ZDHHC14: variants seen among roughly 807,000 people sequenced by gnomAD.
ZDHHC14 encodes zDHHC palmitoyltransferase 14.
In ZDHHC14, 16 loss-of-function variants were observed where a neutral mutation model predicts 47.7. The observed-to-expected ratio is 0.34, with a 90% CI of 0.23 to 0.51. ZDHHC14 has a LOEUF of 0.51. ZDHHC14 is among the 20% of genes least tolerant of loss of function. The probability of loss-of-function intolerance (pLI) is 0.97; values close to 1 mark genes in which losing one functional copy is unlikely to be tolerated. For missense variants in ZDHHC14, 515 were observed against 662.5 expected, an observed-to-expected ratio of 0.78 and a Z score of 2.44; for synonymous variants, 293 against 278.9, an observed-to-expected ratio of 1.05 and a Z score of -0.50.
chr6:157,618,264 C>T (rs767636497), intron 3 of ZDHHC14, among the ~76,000 whole-genome samples: 9 of 152,040 alleles, frequency 5.9e-5, no homozygotes, highest in Non-Finnish European at 1.2e-4. Flanking sequence ...TGGAGAATGA[C>T]CGAAGACCAC....
At chr6:157,639,957 G>T (rs1287684633) in intron 5 of ZDHHC14, among the ~76,000 whole-genome samples, 1 of 152,224 alleles carries the variant, frequency 6.6e-6, no homozygotes, top group Non-Finnish European at 1.5e-5. Context: ...TAATGTGGAA[G>T]GAGGGAAAAA....
intron 1 of ZDHHC14, among the ~76,000 whole-genome samples, chr6:157,392,940 C>T (rs1293690227): frequency 6.6e-6 from 1 of 152,030 alleles, no homozygotes; most frequent in Admixed American, 6.6e-5. Flanking sequence ...AGTGCAATGG[C>T]GCCATCTCGG....
Position 157,593,101 on chromosome 6 carries a change from C to T in ZDHHC14, c.520C>T (p.Arg174Trp), listed in dbSNP as rs148268433. The change falls in exon 3 of 9, where the codon CGG becomes TGG. Residue 174 changes from arginine to tryptophan, a missense_variant. Transcript: ENST00000359775. ...LKYCFTCKIF[R>W]PPRASHCSLC... ...ATACTGTTTCACCTGCAAGATTTTC[C>T]GGCCCCCTCGCGCCTCCCATTGCAG... 6.2e-7 allele frequency: 1 copy of T among 1,614,102 alleles called. No individual in the cohort carries two copies. The highest frequency in any genetic ancestry group is 8.5e-7 in the Non-Finnish European group (1 of 1,179,984).
At chr6:157,542,509 A>T in intron 1 of ZDHHC14, 76 bp from the exon 2 acceptor site, 1 of 1,509,876 alleles carries the variant, frequency 6.6e-7, no homozygotes, top group Non-Finnish European at 8.9e-7. Flanking sequence ...GAAGATAAAG[A>T]CTGCTTACTG....
At chr6:157,558,920 A>G (rs567408158) in intron 2 of ZDHHC14, among the ~76,000 whole-genome samples, 1 of 152,000 alleles carries the variant, frequency 6.6e-6, no homozygotes, top group Non-Finnish European at 1.5e-5. Context: ...TCAGCCCCCA[A>G]CCTCGGAGGG....
chr6:157,434,746 C>A (rs1206071551), intron 1 of ZDHHC14, among the ~76,000 whole-genome samples: 1 of 152,134 alleles, frequency 6.6e-6, no homozygotes, highest in East Asian at 1.9e-4. Context: ...CGGGGAGGAG[C>A]CGGACTTTTA....
intron 3 of ZDHHC14, among the ~76,000 whole-genome samples, chr6:157,616,596 C>T (rs1343582601): frequency 6.6e-6 from 1 of 152,134 alleles, no homozygotes. Context: ...GGTGCACCCT[C>T]CCTGACCTGA....
intron 1 of ZDHHC14, among the ~76,000 whole-genome samples, chr6:157,498,562 T>A (rs1229276194): frequency 6.6e-6 from 1 of 152,218 alleles, no homozygotes; most frequent in Non-Finnish European, 1.5e-5. Flanking sequence ...TAGGTACTGT[T>A]AGACAGATAT....
intron 1 of ZDHHC14, among the ~76,000 whole-genome samples, chr6:157,467,362 T>A (rs1287731725): frequency 6.6e-6 from 1 of 152,042 alleles, no homozygotes; most frequent in Non-Finnish European, 1.5e-5. Flanking sequence ...CAACCACTAA[T>A]CTATTTTCTG....
intron 2 of ZDHHC14, among the ~76,000 whole-genome samples, chr6:157,550,850 G>A (rs1228325444): frequency 1.3e-5 from 2 of 152,210 alleles, no homozygotes; most frequent in East Asian, 1.9e-4. Context: ...GAGCTGGCAC[G>A]ATGATGGCGT....
intron 8 of ZDHHC14, among the ~76,000 whole-genome samples, chr6:157,654,664 G>T (rs1778000956): frequency 6.6e-6 from 1 of 152,002 alleles, no homozygotes; most frequent in African/African-American, 2.4e-5. Context: ...GAGATGGCTG[G>T]GGTTTACGTG....
chr6:157,430,208 C>T (rs1317527836), intron 1 of ZDHHC14, among the ~76,000 whole-genome samples: 1 of 149,348 alleles, frequency 6.7e-6, no homozygotes, highest in African/African-American at 2.5e-5. Flanking sequence ...TCCAGCTACT[C>T]GGGAGGCTGA....
At chr6:157,386,761 G>A (rs1399233504) in intron 1 of ZDHHC14, among the ~76,000 whole-genome samples, 1 of 152,170 alleles carries the variant, frequency 6.6e-6, no homozygotes, top group African/African-American at 2.4e-5. Flanking sequence ...CTGTCTATGC[G>A]ATGTCGTCAT....
At chr6:157,595,750 C>T (rs1371461857) in intron 3 of ZDHHC14, among the ~76,000 whole-genome samples, 1 of 152,174 alleles carries the variant, frequency 6.6e-6, no homozygotes, top group African/African-American at 2.4e-5. Context: ...TGATCCTCTC[C>T]TGTGCACTCT....
rs1362615443 is a variant in ZDHHC14, at chr6:157,382,235, C to G, written c.214C>G (p.Leu72Val). Residue 72 changes from leucine to valine, a missense_variant, in exon 1 of 9, where the codon CTG (leucine) becomes GTG (valine). Around this residue, in one of 4 missense-constraint regions of ZDHHC14, gnomAD observed 229 missense variants for 351.5 expected, o/e 0.65. Transcript: ENST00000359775. The stretch of plus-strand genomic sequence containing the variant: ...CTTCTACCTGACGCTCGTCCTCATC[C>G]TGGTCACTAGCGGACTCTTCTTCGC... ...GVFYLTLVLI[L>V]VTSGLFFAFD... is the part of the protein sequence containing the mutation. 2 of 1,611,958 alleles carry G rather than the reference C, an allele frequency of 1.2e-6. No individual in the cohort carries two copies. Among genetic ancestry groups the G allele is most frequent in the African/African-American group, 1.3e-5 (1 of 74,824 alleles).
At chr6:157,448,421 A>G (rs1778730501) in intron 1 of ZDHHC14, among the ~76,000 whole-genome samples, 1 of 152,232 alleles carries the variant, frequency 6.6e-6, no homozygotes, top group South Asian at 2.1e-4. Context: ...ATAATTATAT[A>G]AAATCATTTT....
In ZDHHC14 at chr6:157,421,236, A is replaced by G. The variant is rs1778093963; in HGVS notation, c.245+38970A>G. On this transcript the variant is annotated intron_variant, in intron 1 of 8. Coordinates refer to ENST00000359775, the MANE Select transcript of ZDHHC14 (RefSeq NM_024630.3). ...GCAAACTGCCTGGGCGCGGTGGCTC[A>G]CGCTTGTAATCCCAGCACTTTGGGA... is the stretch of plus-strand genomic sequence containing the variant. Among the ~76,000 whole-genome samples the G allele has an allele frequency of 2.6e-5, 4 of 151,998 alleles. No individual in the cohort carries two copies. The South Asian group carries it at 8.3e-4, about 32-fold the overall frequency.
chr6:157,394,807 C>T (rs573792290), intron 1 of ZDHHC14, among the ~76,000 whole-genome samples: 11 of 152,102 alleles, frequency 7.2e-5, no homozygotes, highest in Admixed American at 1.3e-4. Flanking sequence ...ACTGCCAGAA[C>T]GTCTCAAATG....
chr6:157,619,583 G>C (rs941083180), intron 3 of ZDHHC14, among the ~76,000 whole-genome samples: 1 of 152,236 alleles, frequency 6.6e-6, no homozygotes, highest in Non-Finnish European at 1.5e-5. Context: ...AGACCTGGGT[G>C]GGGAGGGGAG....
Sources: allele counts gnomAD v4.1 joint callset (sites outside exome capture counted in the v4.1 genomes callset), GRCh38; gene constraint gnomAD v4.1.1; regional missense constraint gnomAD v4.1.1; transcripts MANE v1.5; gene names NCBI Gene and HGNC (gene_info 2026-07-23, HGNC 2026-07-21).